COL13A1: variants seen among roughly 807,000 people sequenced by gnomAD.
COL13A1 encodes the protein collagen alpha-1(XIII) chain.
In COL13A1, 89 loss-of-function variants were observed where a neutral mutation model predicts 130.9. The observed-to-expected ratio is 0.68, with a 90% confidence interval of 0.57 to 0.81. The LOEUF is 0.81. COL13A1 is among the 30% of genes least tolerant of loss of function. The pLI is 0.00. For missense variants in COL13A1, 879 were observed against 934.6 expected (o/e 0.94, Z 0.78); for synonymous variants, 402 against 341.6 (o/e 1.18, Z -1.95).
chr10:69,821,411 C>T (rs1296212966), intron 1 of COL13A1, among the ~76,000 whole-genome samples: 1 of 152,234 alleles, frequency 6.6e-6, no homozygotes, highest in Non-Finnish European at 1.5e-5. Context: ...GTGCAGTCTC[C>T]TCTCTGTGCT....
chr10:69,887,501 G>A lies in COL13A1; in HGVS notation c.549+10G>A, dbSNP rs1221071643. The A allele has an allele frequency of 3.1e-6, 5 of 1,613,408 alleles. No individual in the cohort carries two copies. Among genetic ancestry groups the A allele is most frequent in the Non-Finnish European group, 4.2e-6 (5 of 1,179,786 alleles). On this transcript the variant is annotated intron_variant, in intron 8 of 40. Coordinates refer to ENST00000645393, the MANE Select transcript of COL13A1 (RefSeq NM_001368882.1). Reference sequence around the variant, plus strand: ...TTTCCCTGGATTTCCGGTAAGTGGAGAAGGCTGAAGTTAGCTGTGTCCCAG... The same window carrying A: ...TTTCCCTGGATTTCCGGTAAGTGGAAAAGGCTGAAGTTAGCTGTGTCCCAG...
At chr10:69,853,723 C>T (rs1211401154) in intron 2 of COL13A1, among the ~76,000 whole-genome samples, 5 of 152,146 alleles carry the variant, frequency 3.3e-5, no homozygotes, top group Non-Finnish European at 7.3e-5. Context: ...TTAAACGCAG[C>T]CATGTTAAAG....
At chr10:69,934,147 A>T (rs1565112387) in intron 31 of COL13A1, among the ~76,000 whole-genome samples, 2 of 152,174 alleles carry the variant, frequency 1.3e-5, no homozygotes, top group African/African-American at 4.8e-5. Context: ...TTTAAAGAAA[A>T]TTTTAAAAAT....
intron 38 of COL13A1, among the ~76,000 whole-genome samples, chr10:69,949,739 C>T (rs2069104337): frequency 6.6e-6 from 1 of 152,134 alleles, no homozygotes; most frequent in Non-Finnish European, 1.5e-5. Flanking sequence ...CCGGGAGCCA[C>T]CTTTAGGGTA....
At chr10:69,940,838 A>T in intron 34 of COL13A1, 150 bp from the exon 35 acceptor site, 1 of 1,087,648 alleles carries the variant, frequency 9.2e-7, no homozygotes, top group Non-Finnish European at 1.4e-6. Context: ...GTGTCCTCCC[A>T]AGCTTATTTC....
In COL13A1 at chr10:69,918,270, TTCTC is replaced by T. The variant is rs762174692; in HGVS notation, c.967-9_967-6del. 8 of 1,611,300 alleles carry T rather than the reference TTCTC, an allele frequency of 5.0e-6. No individual in the cohort carries two copies. The highest frequency in any genetic ancestry group is 1.7e-5 in the Admixed American group (1 of 59,942). ...GCAGAATGTCTTCAGACCTTTTTTT[TTCTC>T]TCTCTGCCAGGGGGCGCCCGGAATT... On this transcript the variant is annotated splice_polypyrimidine_tract_variant and intron_variant, in intron 18 of 40. Coordinates refer to ENST00000645393, the MANE Select transcript of COL13A1 (RefSeq NM_001368882.1).
intron 2 of COL13A1, among the ~76,000 whole-genome samples, chr10:69,844,242 G>C (rs1053515909): frequency 1.3e-5 from 2 of 152,228 alleles, no homozygotes; most frequent in Admixed American, 6.5e-5. Flanking sequence ...CCAGCTCAGT[G>C]TGGCTGTCCA....
chr10:69,825,637 T>C (rs1001282010), intron 2 of COL13A1, among the ~76,000 whole-genome samples: 4 of 152,202 alleles, frequency 2.6e-5, no homozygotes, highest in African/African-American at 9.6e-5. Context: ...GTTGCTGAGA[T>C]GGAAGCCTCG....
At chr10:69,904,873 C>A (rs1589421968) in intron 15 of COL13A1, 60 bp from the exon 16 acceptor site, 8 of 1,528,098 alleles carry the variant, frequency 5.2e-6, no homozygotes. Context: ...GTATGGCTAG[C>A]CCCAACCAGC....
intron 17 of COL13A1, among the ~76,000 whole-genome samples, chr10:69,915,537 A>T (rs908101256): frequency 6.6e-6 from 1 of 152,244 alleles, no homozygotes; most frequent in African/African-American, 2.4e-5. Context: ...GCCGATTACA[A>T]ACGCTAAGTG....
intron 17 of COL13A1, among the ~76,000 whole-genome samples, chr10:69,908,640 G>C (rs1149697): frequency 3.9e-5 from 6 of 152,136 alleles, no homozygotes; most frequent in African/African-American, 1.4e-4. Flanking sequence ...TGGGGTTAGG[G>C]TGTCCTGACG....
chr10:69,804,527 A>G lies in COL13A1; in HGVS notation c.294+1810A>G, dbSNP rs556580850. On this transcript the variant is annotated intron_variant, in intron 1 of 40. Transcript: ENST00000645393. ...AGATATGAAAGTTATCCCAGAGAGC[A>G]TCTGAACTGAACCCCATTTTTCAGA... 1.4e-4 allele frequency among the ~76,000 whole-genome samples: 21 copies of G among 152,248 alleles called. No homozygotes were observed. The South Asian group carries it at 2.1e-3, about 15-fold the overall frequency.
intron 25 of COL13A1, among the ~76,000 whole-genome samples, chr10:69,925,561 A>G (rs1303961588): frequency 6.6e-6 from 1 of 152,222 alleles, no homozygotes; most frequent in East Asian, 1.9e-4. Context: ...CTGGCAGCAC[A>G]GGTGGACCCA....
In COL13A1 at chr10:69,944,159, C is replaced by T. The variant is rs561311848; in HGVS notation, c.1949C>T (p.Ala650Val). 12 of 1,613,724 alleles carry T rather than the reference C, an allele frequency of 7.4e-6. No homozygotes were observed. The highest frequency in any genetic ancestry group is 4.0e-5 in the African/African-American group (3 of 75,056). ...TPGPIGVPGP[A>V]GPKGERGSKG... ...GGACCAATTGGAGTTCCAGGCCCAG[C>T]GGGACCAAAGGGCGAGAGGGTGAGT... is the stretch of plus-strand genomic sequence containing the variant. Residue 650 changes from alanine to valine, a missense_variant, in exon 36 of 41, where the codon GCG becomes GTG. Physicochemically the swap from Ala to Val is moderately conservative, Grantham distance 64 (BLOSUM62 0). Around this residue, in one of 3 missense-constraint regions of COL13A1, gnomAD observed 96 missense variants for 147.7 expected, o/e 0.65. Coordinates refer to ENST00000645393, the MANE Select transcript of COL13A1 (RefSeq NM_001368882.1).
chr10:69,880,199 G>A (rs1398035464), intron 6 of COL13A1, among the ~76,000 whole-genome samples: 1 of 151,870 alleles, frequency 6.6e-6, no homozygotes, highest in Non-Finnish European at 1.5e-5. Flanking sequence ...CTGTCTCCCC[G>A]GAACCCCATG....
intron 7 of COL13A1, 83 bp downstream of exon 7, chr10:69,880,636 C>A: frequency 1.4e-6 from 2 of 1,447,920 alleles, no homozygotes; most frequent in East Asian, 2.3e-5. Flanking sequence ...GATGAGGGGA[C>A]AGCGAGGGCG....
At chr10:69,902,338 T>C (rs1296725365) in intron 14 of COL13A1, among the ~76,000 whole-genome samples, 2 of 152,158 alleles carry the variant, frequency 1.3e-5, no homozygotes, top group African/African-American at 4.8e-5. Context: ...GACTGGGGCT[T>C]AGGGAGAACT....
rs778563814 is a variant in COL13A1, at chr10:69,875,163, G to A, written c.435G>A (p.Val145=). 2.5e-6 allele frequency: 4 copies of A among 1,613,868 alleles called. No homozygotes were observed. In the African/African-American group the frequency reaches 4.0e-5, roughly 16 times the overall value. ...DKGAIGMPGR[V]GVKGQPGEKG... ...GTGCCATTGGGATGCCTGGACGTGTGGTGAGTTGGCCCGTTTGTACCTGCT... is the reference window on the plus strand; with the variant it reads ...GTGCCATTGGGATGCCTGGACGTGTAGTGAGTTGGCCCGTTTGTACCTGCT... Residue 145 remains valine, a splice_region_variant and synonymous_variant, in exon 5 of 41, where the codon GTG becomes GTA. Coordinates refer to ENST00000645393, the MANE Select transcript of COL13A1 (RefSeq NM_001368882.1).
At chr10:69,890,392 G>C (rs1175648322) in intron 10 of COL13A1, among the ~76,000 whole-genome samples, 1 of 152,208 alleles carries the variant, frequency 6.6e-6, no homozygotes, top group East Asian at 1.9e-4. Context: ...CCTGGGCTGG[G>C]GTGCATTTCT....
Sources: gnomAD v4.1 joint callset for allele counts (sites outside exome capture counted in the v4.1 genomes callset) on GRCh38, gnomAD v4.1.1 for gene constraint, gnomAD v4.1.1 regional missense constraint, MANE v1.5 for transcripts, NCBI Gene and HGNC (gene_info 2026-07-23, HGNC 2026-07-21) for gene names.